The following SERPINE3 variants were observed in gnomAD, a reference collection of about 807,000 sequenced individuals.
The protein encoded by SERPINE3 is serpin family E member 3, also known as serpin E3.
In SERPINE3, 43 loss-of-function variants were observed where a neutral mutation model predicts 41.7. The ratio of observed to expected loss-of-function variants is 1.03; its 90% CI spans 0.81 to 1.33. SERPINE3 has a LOEUF of 1.33. SERPINE3 is among the 40% of genes most tolerant of loss of function. SERPINE3 has a pLI of 0.00. For synonymous variants in SERPINE3, 200 were observed against 192.2 expected (o/e 1.04, Z -0.34); for missense variants, 440 against 491.7 (o/e 0.89, Z 0.99).
intron 6 of SERPINE3, among the ~76,000 whole-genome samples, chr13:51,349,563 G>C (rs990857247): frequency 1.3e-5 from 2 of 152,194 alleles, no homozygotes. Context: ...AAGGAGGCTG[G>C]TGCGAGAATT....
Position 51,344,450 on chromosome 13 carries a change from T to A in SERPINE3, c.455T>A (p.Ile152Asn). The change falls in exon 4 of 10, where the codon ATC (isoleucine) becomes AAC (asparagine). Residue 152 changes from isoleucine (I) to asparagine (N), a missense_variant. Coordinates refer to ENST00000681248, the MANE Select transcript of SERPINE3 (RefSeq NM_001386375.1). The stretch of plus-strand genomic sequence containing the variant: ...CTCAGTGAGCCCAATAGCACCGCCA[T>A]CCAGACTAGCGAAGGGGCCTCCAGA... Reference protein sequence around the residue: ...ADLSEPNSTAIQTSEGASRET... With the variant: ...ADLSEPNSTANQTSEGASRET... The A allele has an allele frequency of 6.2e-7, 1 of 1,602,340 alleles. No individual in the cohort carries two copies. The highest frequency in any genetic ancestry group is 8.5e-7 in the Non-Finnish European group (1 of 1,174,084).
intron 4 of SERPINE3, among the ~76,000 whole-genome samples, chr13:51,345,125 TTGTCTC>T (rs1252473362): frequency 6.6e-6 from 1 of 152,172 alleles, no homozygotes; most frequent in Non-Finnish European, 1.5e-5. Flanking sequence ...TCCCAGTTGA[TTGTCTC>T]AGTTCACCCT....
chr13:51,363,138 T>C (rs966113592), intron 9 of SERPINE3: 3 of 151,934 alleles, frequency 2.0e-5, no homozygotes, highest in African/African-American at 7.2e-5. Context: ...CCAATAAAGG[T>C]TGATAGGTAA....
At chr13:51,349,527 C>T (rs1955385024) in intron 6 of SERPINE3, among the ~76,000 whole-genome samples, 1 of 152,170 alleles carries the variant, frequency 6.6e-6, no homozygotes, top group African/African-American at 2.4e-5. Flanking sequence ...GGAAGAGCAG[C>T]GTTCCGTGTC....
At chr13:51,350,965 G>C (rs745714356) in intron 6 of SERPINE3, among the ~76,000 whole-genome samples, 6 of 152,112 alleles carry the variant, frequency 3.9e-5, no homozygotes, top group Non-Finnish European at 8.8e-5. Flanking sequence ...ATAGTAGCAT[G>C]AATCAATACT....
At position 51,344,288 on chromosome 13, in the gene SERPINE3, C is replaced by T. The variant is rs1566191281; in HGVS notation, c.293C>T (p.Ala98Val). The T allele has an allele frequency of 1.2e-6, 2 of 1,613,912 alleles. No homozygotes were observed. Among genetic ancestry groups the T allele is most frequent in the East Asian group, 2.2e-5 (1 of 44,876 alleles). ...RVKDFLHAVY[A>V]TLPTSSQGTE... ...AAAGATTTCTTGCATGCTGTTTATGCCACACTACCCACCTCCAGCCAAGGC... is the reference window on the plus strand; with the variant it reads ...AAAGATTTCTTGCATGCTGTTTATGTCACACTACCCACCTCCAGCCAAGGC... The change falls in exon 4 of 10, where the codon GCC becomes GTC. Residue 98 changes from alanine (A) to valine (V), a missense_variant. Physicochemically the swap from Ala to Val is moderately conservative, Grantham distance 64 (BLOSUM62 0). Coordinates refer to ENST00000681248, the MANE Select transcript of SERPINE3 (RefSeq NM_001386375.1).
At chr13:51,340,073 G>C (rs537259460) in intron 1 of SERPINE3, among the ~76,000 whole-genome samples, 27 of 152,340 alleles carry the variant, frequency 1.8e-4, no homozygotes, top group African/African-American at 5.8e-4. Context: ...ATCGTGCTCA[G>C]TGGCCTTGCT....
At chr13:51,360,940 A>G (rs994220773) in intron 7 of SERPINE3, among the ~76,000 whole-genome samples, 8 of 152,090 alleles carry the variant, frequency 5.3e-5, no homozygotes, top group Admixed American at 1.3e-4. Context: ...TGGCTGAAGG[A>G]GGGATTGTAG....
At chr13:51,347,366 A>G (rs1023107673) in intron 5 of SERPINE3, 132 bp downstream of exon 5, 39 of 755,140 alleles carry the variant, frequency 5.2e-5, no homozygotes, top group Non-Finnish European at 8.8e-6. Flanking sequence ...TGGACTGGGC[A>G]TGCATGGCGG....
intron 9 of SERPINE3, 67 bp from the exon 10 acceptor site, chr13:51,364,172 T>C: frequency 1.3e-6 from 1 of 756,396 alleles, no homozygotes; most frequent in Non-Finnish European, 2.1e-6. Context: ...TGTATAGAAG[T>C]AAACAAAGCT....
chr13:51,343,396 G>GTTC (rs1460231933), intron 3 of SERPINE3, among the ~76,000 whole-genome samples: 1 of 152,202 alleles, frequency 6.6e-6, no homozygotes, highest in Non-Finnish European at 1.5e-5. Context: ...AAGAGCCCTC[G>GTTC]TTCCAGCTAT....
intron 7 of SERPINE3, among the ~76,000 whole-genome samples, chr13:51,355,496 A>T (rs11843425): frequency 0.05 from 7,538 of 152,124 alleles, 265 homozygotes; most frequent in South Asian, 0.083. Context: ...CTGTCCCATC[A>T]GCTTCAGTCA....
intron 4 of SERPINE3, 52 bp downstream of exon 4, chr13:51,344,537 CAG>C (rs1272889042): frequency 5.7e-6 from 8 of 1,396,250 alleles, no homozygotes; most frequent in Admixed American, 2.0e-5. Context: ...GCTGCAGAGA[CAG>C]AGTCTCACCC....
chr13:51,361,196 G>C, intron 7 of SERPINE3, 82 bp from the exon 8 acceptor site: 2 of 901,450 alleles, frequency 2.2e-6, no homozygotes, highest in South Asian at 3.0e-5. Flanking sequence ...AATTTTGTAA[G>C]TACATTTTTA....
In SERPINE3 at chr13:51,341,095, C is replaced by T; in HGVS notation, c.4C>T (p.Pro2Ser). 1 of 1,613,594 alleles carries T rather than the reference C, an allele frequency of 6.2e-7. No homozygotes were observed. The highest frequency in any genetic ancestry group is 1.3e-5 in the African/African-American group (1 of 75,070). Reference sequence around the variant, plus strand: ...TGCAGGAACCCTCCCAGCCTCCATGCCGCCTTTCCTGATCACCCTCTTCCT... The same window carrying T: ...TGCAGGAACCCTCCCAGCCTCCATGTCGCCTTTCCTGATCACCCTCTTCCT... Reference protein sequence around the residue: MPPFLITLFLFH... With the variant: MSPFLITLFLFH... The change falls in exon 3 of 10, where the codon CCG becomes TCG. Residue 2 changes from proline (P) to serine (S), a missense_variant. Coordinates refer to ENST00000681248, the MANE Select transcript of SERPINE3 (RefSeq NM_001386375.1).
At chr13:51,355,307 G>C (rs1330239333) in intron 7 of SERPINE3, among the ~76,000 whole-genome samples, 164 bp downstream of exon 7, 2 of 152,100 alleles carry the variant, frequency 1.3e-5, no homozygotes, top group African/African-American at 2.4e-5. Flanking sequence ...GTCAAATTTG[G>C]GTTAGATCTT....
intron 6 of SERPINE3, among the ~76,000 whole-genome samples, chr13:51,350,681 C>T (rs1955395749): frequency 6.6e-6 from 1 of 152,022 alleles, no homozygotes; most frequent in Non-Finnish European, 1.5e-5. Context: ...TTTTAAAGTA[C>T]ACAATTCAGA....
At position 51,364,531 on chromosome 13, in the gene SERPINE3, T is replaced by G; in HGVS notation, c.*249T>G. On this transcript the variant is annotated 3_prime_UTR_variant, in exon 10 of 10. Transcript: ENST00000681248. ...CCCAAACCACTAAAAGGCACAGCAG[T>G]GATCATGAATGGTGAGTGAGTCAGG... 2 of 366,504 alleles carry G rather than the reference T, an allele frequency of 5.5e-6. No homozygotes were observed. Among genetic ancestry groups the G allele is most frequent in the Non-Finnish European group, 9.8e-6 (2 of 205,034 alleles). 22.7% of individuals were successfully genotyped at this position (366,504 alleles called of 1,614,324 possible). A position where few individuals can be genotyped will look rare whatever the true frequency, so the allele number is the denominator to read the frequency against.
chr13:51,362,151 TGCTATAGG>T, intron 9 of SERPINE3: 1 of 1,009,458 alleles, frequency 9.9e-7, no homozygotes, highest in Non-Finnish European at 1.4e-6. Flanking sequence ...TTTTTTTTAA[TGCTATAGG>T]TTTCTACTTC....
Sources: gnomAD v4.1 joint callset for allele counts (sites outside exome capture counted in the v4.1 genomes callset) on GRCh38, gnomAD v4.1.1 for gene constraint, MANE v1.5 for transcripts, NCBI Gene and HGNC (gene_info 2026-07-23, HGNC 2026-07-21) for gene names.